Variants in MAP2K5 observed in about 807,000 individuals in gnomAD.
MAP2K5 encodes the protein dual specificity mitogen-activated protein kinase kinase 5.
Under a neutral mutation model 83.1 loss-of-function variants are expected in MAP2K5, and 49 were observed. That is an observed-to-expected ratio of 0.59 (90% CI 0.47 to 0.75). The LOEUF is 0.75. Ranked by LOEUF, MAP2K5 falls within the 30% of genes least tolerant of loss-of-function variation. MAP2K5 has a pLI of 0.00. For missense variants in MAP2K5, 457 were observed against 557.5 expected, an observed-to-expected ratio of 0.82 and a Z score of 1.82; for synonymous variants, 202 against 191.8, an observed-to-expected ratio of 1.05 and a Z score of -0.44.
chr15:67,629,477 T>C (rs1236592270), intron 8 of MAP2K5, among the ~76,000 whole-genome samples: 1 of 151,968 alleles, frequency 6.6e-6, no homozygotes, highest in Non-Finnish European at 1.5e-5. Context: ...TTTAAAAAAA[T>C]ATTTGTCAGA....
chr15:67,645,955 T>C (rs2086822357), intron 9 of MAP2K5, among the ~76,000 whole-genome samples: 1 of 152,180 alleles, frequency 6.6e-6, no homozygotes, highest in Admixed American at 6.5e-5. Context: ...AAGAGTGTTA[T>C]AACTTAACTG....
intron 8 of MAP2K5, among the ~76,000 whole-genome samples, chr15:67,610,469 CGTA>C (rs1315669740): frequency 1.3e-5 from 2 of 152,138 alleles, no homozygotes; most frequent in Non-Finnish European, 2.9e-5. Context: ...GTTCGAAAAT[CGTA>C]GTCTCTTGGT....
chr15:67,756,099 A>G (rs2089828288), intron 19 of MAP2K5, among the ~76,000 whole-genome samples: 1 of 152,238 alleles, frequency 6.6e-6, no homozygotes, highest in East Asian at 1.9e-4. Flanking sequence ...GGCTTGCCAC[A>G]GTCCTATCTC....
At chr15:67,679,025 G>C (rs1175787811) in intron 13 of MAP2K5, among the ~76,000 whole-genome samples, 1 of 149,802 alleles carries the variant, frequency 6.7e-6, no homozygotes. Flanking sequence ...CCTATACAAA[G>C]CACATTAAGT....
At chr15:67,689,937 A>G (rs991653396) in intron 13 of MAP2K5, among the ~76,000 whole-genome samples, 5 of 152,256 alleles carry the variant, frequency 3.3e-5, no homozygotes, top group African/African-American at 9.6e-5. Flanking sequence ...TCCACGGGCC[A>G]CATGAGCCAC....
At chr15:67,654,665 A>G (rs978807174) in intron 11 of MAP2K5, among the ~76,000 whole-genome samples, 10 of 152,070 alleles carry the variant, frequency 6.6e-5, no homozygotes, top group Non-Finnish European at 1.5e-4. Context: ...GGTTGCTTTT[A>G]CTCTGTGTTT....
chr15:67,804,860 T>C (rs576109375), intron 21 of MAP2K5, among the ~76,000 whole-genome samples: 2 of 152,244 alleles, frequency 1.3e-5, no homozygotes, highest in South Asian at 4.1e-4. Flanking sequence ...TAGGCAGCGA[T>C]TTGGGAAAGC....
intron 17 of MAP2K5, among the ~76,000 whole-genome samples, chr15:67,739,782 A>G (rs901216164): frequency 6.6e-6 from 1 of 151,880 alleles, no homozygotes; most frequent in Non-Finnish European, 1.5e-5. Context: ...CACCTGGCCA[A>G]TTTTAAGATT....
chr15:67,707,323 C>T (rs949816000), intron 16 of MAP2K5, among the ~76,000 whole-genome samples: 31 of 152,200 alleles, frequency 2.0e-4, no homozygotes, highest in Admixed American at 7.2e-4. Flanking sequence ...TTGTTTTTAC[C>T]GTAGTATGTT....
chr15:67,654,126 G>A (rs553519805), intron 11 of MAP2K5, among the ~76,000 whole-genome samples: 56 of 152,010 alleles, frequency 3.7e-4, no homozygotes, highest in African/African-American at 1.3e-3. Flanking sequence ...GTGAGATATT[G>A]AAGTCTCAAA....
intron 20 of MAP2K5, among the ~76,000 whole-genome samples, 189 bp from the exon 21 acceptor site, chr15:67,772,518 C>T (rs75130324): frequency 1.1e-4 from 17 of 152,052 alleles, no homozygotes; most frequent in African/African-American, 4.1e-4. Context: ...CATAATGTCC[C>T]CCAGAAATCT....
chr15:67,609,730 A>T (rs1246719642), intron 8 of MAP2K5, among the ~76,000 whole-genome samples: 1 of 151,504 alleles, frequency 6.6e-6, no homozygotes, highest in Non-Finnish European at 1.5e-5. Context: ...CATATTCTAT[A>T]AAAAATGTAG....
At position 67,747,602 on chromosome 15, in the gene MAP2K5, A is replaced by T. The variant is rs12050605; in HGVS notation, c.1075-629A>T. 0.1 allele frequency among the ~76,000 whole-genome samples: 15,576 copies of T among 152,206 alleles called. 879 individuals are homozygous for T. Among genetic ancestry groups the T allele is most frequent in the Admixed American group, 0.11 (1,687 of 15,304 alleles). ...GAAATGCGCTCTTACTGGACTCTGC[A>T]TTTATTCCCTAAAAATCAGTGTGAA... On this transcript the variant is annotated intron_variant, in intron 17 of 21. Coordinates refer to ENST00000178640, the MANE Select transcript of MAP2K5 (RefSeq NM_145160.3). The surrounding 1 kb of genome is among the most constrained non-coding windows in gnomAD (Gnocchi z 4.1).
intron 16 of MAP2K5, among the ~76,000 whole-genome samples, chr15:67,706,464 A>T (rs1214716269): frequency 6.6e-6 from 1 of 152,192 alleles, no homozygotes; most frequent in African/African-American, 2.4e-5. Flanking sequence ...TAGAGAGCAG[A>T]TAACCAGATG....
intron 20 of MAP2K5, among the ~76,000 whole-genome samples, chr15:67,771,564 C>T (rs1460046919): frequency 1.3e-5 from 2 of 152,198 alleles, no homozygotes; most frequent in Admixed American, 1.3e-4. Flanking sequence ...CTTGTTTTCC[C>T]AAGAGATACA....
chr15:67,658,672 T>A (rs947533105), intron 12 of MAP2K5, 58 bp downstream of exon 12: 1 of 1,359,474 alleles, frequency 7.4e-7, no homozygotes, highest in Non-Finnish European at 1.0e-6. Context: ...CTAATCAAGC[T>A]CATTCTTCTT....
chr15:67,659,977 C>T (rs945780770), intron 12 of MAP2K5, among the ~76,000 whole-genome samples: 1 of 152,074 alleles, frequency 6.6e-6, no homozygotes, highest in Non-Finnish European at 1.5e-5. Context: ...AAATACAGGG[C>T]TTGCCTATTA....
intron 2 of MAP2K5, among the ~76,000 whole-genome samples, chr15:67,557,048 C>T (rs2140955803): frequency 6.6e-6 from 1 of 152,314 alleles, no homozygotes; most frequent in African/African-American, 2.4e-5. Flanking sequence ...GTTTGCATTT[C>T]TGGGTCCTAC....
chr15:67,591,604 C>T (rs893209498), intron 6 of MAP2K5, among the ~76,000 whole-genome samples: 2 of 151,122 alleles, frequency 1.3e-5, no homozygotes, highest in African/African-American at 2.4e-5. Flanking sequence ...CTCCTGACCT[C>T]GTGATCCACC....
Sources: allele counts gnomAD v4.1 joint callset (sites outside exome capture counted in the v4.1 genomes callset), GRCh38; gene constraint gnomAD v4.1.1; non-coding constraint Gnocchi (gnomAD v3.1); transcripts MANE v1.5; gene names NCBI Gene and HGNC (gene_info 2026-07-23, HGNC 2026-07-21).